The following ST6GALNAC2 variants were observed in gnomAD, a reference collection of about 807,000 sequenced individuals.
ST6GALNAC2 encodes the protein alpha-N-acetylgalactosaminide alpha-2,6-sialyltransferase 2.
Under a neutral mutation model 38.7 loss-of-function variants are expected in ST6GALNAC2, and 42 were observed. The ratio of observed to expected loss-of-function variants is 1.09; its 90% CI spans 0.85 to 1.40. The LOEUF is 1.40. Among genes scored for constraint, ST6GALNAC2 ranks in the 40% most tolerant of loss-of-function variants. ST6GALNAC2 has a pLI of 0.00. For missense variants in ST6GALNAC2, 506 were observed against 481.7 expected, an observed-to-expected ratio of 1.05 and a Z score of -0.47; for synonymous variants, 233 against 209.0, an observed-to-expected ratio of 1.11 and a Z score of -0.99.
At chr17:76,577,418 TAGAC>T (rs1325649709) in intron 2 of ST6GALNAC2, among the ~76,000 whole-genome samples, 1 of 152,002 alleles carries the variant, frequency 6.6e-6, no homozygotes, top group African/African-American at 2.4e-5. Flanking sequence ...CCCTTTGGTT[TAGAC>T]CAGGTGGGGA....
chr17:76,584,253 C>G lies in ST6GALNAC2; in HGVS notation c.125+1431G>C, dbSNP rs1000167981. 2.8e-5 allele frequency among the ~76,000 whole-genome samples: 4 copies of G among 141,556 alleles called. No homozygotes were observed. The Admixed American group carries it at 3.0e-4, about 10-fold the overall frequency. 92.9% of individuals were successfully genotyped at this position (141,556 alleles called of 152,430 possible). ...TATTGCCCAGGCTGGAGTGCAGTGGCGCGATCACAGCTCACTGCAGCCTCG... is the reference window on the plus strand; with the variant it reads ...TATTGCCCAGGCTGGAGTGCAGTGGGGCGATCACAGCTCACTGCAGCCTCG... On this transcript the variant is annotated intron_variant, in intron 1 of 8. Transcript: ENST00000225276.
At position 76,574,499 on chromosome 17, in the gene ST6GALNAC2, C is replaced by T. The variant is rs756951441; in HGVS notation, c.227G>A (p.Arg76Gln). 84 of 1,596,148 alleles carry T rather than the reference C, an allele frequency of 5.3e-5. No individual in the cohort carries two copies. Among genetic ancestry groups the T allele is most frequent in the Admixed American group, 6.7e-5 (4 of 59,310 alleles). Residue 76 changes from arginine (R) to glutamine (Q), a missense_variant, in exon 3 of 9, where the codon CGG becomes CAG. Physicochemically the swap from Arg to Gln is conservative, Grantham distance 43. Coordinates refer to ENST00000225276, the MANE Select transcript of ST6GALNAC2 (RefSeq NM_006456.3). ...CRHLLHLAIQ[R>Q]HPHFRGLFNL... The stretch of plus-strand genomic sequence containing the variant: ...GAACAGGCCACGGAAGTGGGGGTGC[C>T]GCTGAATGGCCAGGTGAAGCAGGTG...
intron 1 of ST6GALNAC2, among the ~76,000 whole-genome samples, chr17:76,584,167 C>G (rs1014457127): frequency 2.0e-4 from 30 of 147,204 alleles, no homozygotes; most frequent in African/African-American, 6.8e-4. Context: ...ATCAAACCAG[C>G]TAATTAGCAT....
chr17:76,573,245 C>T lies in ST6GALNAC2; in HGVS notation c.480G>A (p.Leu160=). The T allele has an allele frequency of 6.2e-7, 1 of 1,613,232 alleles. No individual in the cohort carries two copies. Among genetic ancestry groups the T allele is most frequent in the Non-Finnish European group, 8.5e-7 (1 of 1,179,652 alleles). ...TGTTGGGACCCTGGCGGGACCCATT[C>T]AGAATGCCTCCGTTGCCCACCACGG... ...RCAVVGNGGI[L]NGSRQGPNID... The change falls in exon 4 of 9, where the codon CTG becomes CTA. Residue 160 remains leucine (L), a synonymous_variant. Transcript: ENST00000225276. This position sits in a 1 kb window ranked among gnomAD's most constrained non-coding sequence, Gnocchi z 5.1.
At chr17:76,570,474 C>G in intron 6 of ST6GALNAC2, 91 bp downstream of exon 6, 1 of 837,918 alleles carries the variant, frequency 1.2e-6, no homozygotes, top group Non-Finnish European at 2.0e-6. Context: ...CTCCTCTTAC[C>G]CCATGATGGG....
rs544224690 is a variant in ST6GALNAC2 at position 76,570,083 on chromosome 17, G to A, written c.773+482C>T. ...TCCGCCTCTCAGGACACTGGGCCTC[G>A]AGTCTGCTCTCCCGTTTCATGGGCA... On this transcript the variant is annotated intron_variant, in intron 6 of 8. Transcript: ENST00000225276. The A allele has an allele frequency of 2.7e-4, 44 of 165,456 alleles. No homozygotes were observed. The South Asian group carries it at 2.9e-3, about 11-fold the overall frequency. 10.2% of individuals were successfully genotyped at this position (165,456 alleles called of 1,614,324 possible). A position where few individuals can be genotyped will look rare whatever the true frequency, so the allele number is the denominator to read the frequency against.
intron 1 of ST6GALNAC2, among the ~76,000 whole-genome samples, chr17:76,582,234 G>A (rs2143321074): frequency 7.3e-6 from 1 of 136,396 alleles, no homozygotes; most frequent in Admixed American, 8.4e-5. Context: ...TGCAGTGGCA[G>A]GATCTTGGCT....
At position 76,573,503 on chromosome 17, in the gene ST6GALNAC2, G is replaced by A; in HGVS notation, c.362-140C>T. On this transcript the variant is annotated intron_variant, in intron 3 of 8. Transcript: ENST00000225276. This position sits in a 1 kb window ranked among gnomAD's most constrained non-coding sequence, Gnocchi z 5.1. ...CCAAGAAGCACAGAGGGTGGGAGGGGAAGGAGATGTCTGTGGGGGGAGAAT... is the reference window on the plus strand; with the variant it reads ...CCAAGAAGCACAGAGGGTGGGAGGGAAAGGAGATGTCTGTGGGGGGAGAAT... The A allele has an allele frequency of 2.5e-6, 2 of 797,632 alleles. No individual in the cohort carries two copies. The highest frequency in any genetic ancestry group is 6.3e-5 in the East Asian group (2 of 31,692). 49.4% of individuals were successfully genotyped at this position (797,632 alleles called of 1,614,324 possible). A position where few individuals can be genotyped will look rare whatever the true frequency, so the allele number is the denominator to read the frequency against.
chr17:76,569,459 A>ACGAAGTC, intron 6 of ST6GALNAC2: 1 of 147,282 alleles, frequency 6.8e-6, no homozygotes, highest in East Asian at 1.6e-4. Context: ...GGGTTCAGGG[A>ACGAAGTC]CGAAGTCCGG....
intron 6 of ST6GALNAC2, chr17:76,569,938 A>G (rs2075334184): frequency 4.9e-6 from 1 of 205,622 alleles, no homozygotes. Context: ...TCTCAGGGAC[A>G]AGAAATTGTC....
At chr17:76,578,865 C>T (rs1030569667) in intron 1 of ST6GALNAC2, 49 bp from the exon 2 acceptor site, 17 of 1,577,800 alleles carry the variant, frequency 1.1e-5, no homozygotes, top group Non-Finnish European at 1.4e-5. Context: ...CTGACCTACC[C>T]CTTGGAAGCT....
At chr17:76,579,239 T>G (rs574100028) in intron 1 of ST6GALNAC2, among the ~76,000 whole-genome samples, 1 of 152,338 alleles carries the variant, frequency 6.6e-6, no homozygotes, top group African/African-American at 2.4e-5. Flanking sequence ...ATTCTTGCCA[T>G]GTCTTTCTCT....
chr17:76,566,734 ATGCC>A (rs1268022884), intron 8 of ST6GALNAC2, among the ~76,000 whole-genome samples: 1 of 150,860 alleles, frequency 6.6e-6, no homozygotes, highest in East Asian at 1.9e-4. Flanking sequence ...GTGGCAGTAC[ATGCC>A]TGTGATCCCA....
Position 76,566,126 on chromosome 17 carries a change from A to T in ST6GALNAC2, c.1103T>A (p.Ile368Asn), listed in dbSNP as rs760799245. The T allele has an allele frequency of 5.0e-6, 8 of 1,613,994 alleles. No individual in the cohort carries two copies. The African/African-American group carries it at 8.0e-5, about 16-fold the overall frequency. ...ALWRDLHKAG[I>N]LQLYQR is the part of the protein sequence containing the mutation. ...GGGTCAGCGCTGGTACAGCTGAAGGATGCCGGCCTTGTGCAGGTCCCTCCA... is the reference window on the plus strand; with the variant it reads ...GGGTCAGCGCTGGTACAGCTGAAGGTTGCCGGCCTTGTGCAGGTCCCTCCA... Residue 368 changes from isoleucine to asparagine, a missense_variant, in exon 9 of 9, where the codon ATC (isoleucine) becomes AAC (asparagine). Ile to Asn is a moderately radical substitution (Grantham distance 149). Transcript: ENST00000225276.
At chr17:76,568,517 T>A (rs2075312002) in intron 7 of ST6GALNAC2, 196 bp downstream of exon 7, 3 of 609,676 alleles carry the variant, frequency 4.9e-6, no homozygotes, top group Non-Finnish European at 5.9e-6. Flanking sequence ...GACTGACATA[T>A]ATCACCCTCC....
rs374084501 is a variant in ST6GALNAC2 at position 76,572,716 on chromosome 17, T to C, written c.590A>G (p.Tyr197Cys). 8.2e-4 allele frequency: 1,323 copies of C among 1,614,138 alleles called. 16 individuals carry two copies. In the South Asian group the frequency reaches 0.013, roughly 16 times the overall value. ...ERDVGTKTSF[Y>C]GFTVNTMKNS... ...CTTCATCGTGTTCACAGTGAAACCA[T>C]AGAAGGAAGTCTTGGTGCCCACATC... The change falls in exon 5 of 9, where the codon TAT (tyrosine) becomes TGT (cysteine). Residue 197 changes from tyrosine (Y) to cysteine (C), a missense_variant. Physicochemically the swap from Tyr to Cys is radical, Grantham distance 194 (BLOSUM62 -2). Transcript: ENST00000225276.
chr17:76,582,370 C>T (rs1432235667), intron 1 of ST6GALNAC2, among the ~76,000 whole-genome samples: 1 of 50,344 alleles, frequency 2.0e-5, no homozygotes, highest in African/African-American at 6.7e-5. Context: ...TTAGTAGAAA[C>T]GGGGTTTTGC....
rs370415793 is a variant in ST6GALNAC2, at chr17:76,573,740, C to A, written c.362-377G>T. Among the ~76,000 whole-genome samples the A allele has an allele frequency of 2.0e-5, 3 of 152,148 alleles. No individual in the cohort carries two copies. The East Asian group carries it at 5.8e-4, about 29-fold the overall frequency. On this transcript the variant is annotated intron_variant, in intron 3 of 8. Transcript: ENST00000225276. The surrounding 1 kb of genome is among the most constrained non-coding windows in gnomAD (Gnocchi z 5.1). ...GCCAGGAGTTCGAGACCAGCCTGGG[C>A]AACATGGTGAAACCATGTCTCTATT... is the stretch of plus-strand genomic sequence containing the variant.
chr17:76,574,762 C>T (rs1430754270), intron 2 of ST6GALNAC2, among the ~76,000 whole-genome samples: 2 of 151,986 alleles, frequency 1.3e-5, no homozygotes, highest in Non-Finnish European at 2.9e-5. Context: ...CTGCAAGCTC[C>T]GTCTCCCGGG....
Sources: allele counts gnomAD v4.1 joint callset (sites outside exome capture counted in the v4.1 genomes callset), GRCh38; gene constraint gnomAD v4.1.1; non-coding constraint Gnocchi (gnomAD v3.1); transcripts MANE v1.5; gene names NCBI Gene and HGNC (gene_info 2026-07-23, HGNC 2026-07-21).